The following CRELD2 variants were observed in gnomAD, a reference collection of about 807,000 sequenced individuals.
CRELD2 encodes protein disulfide isomerase CRELD2.
Under a neutral mutation model 48.1 loss-of-function variants are expected in CRELD2, and 33 were observed. That is an observed-to-expected ratio of 0.69 (90% CI 0.52 to 0.92). CRELD2 has a LOEUF of 0.92. CRELD2 is among the 40% of genes least tolerant of loss of function. CRELD2 has a pLI of 0.00. For synonymous variants in CRELD2, 220 were observed against 203.9 expected, an observed-to-expected ratio of 1.08 and a Z score of -0.67; for missense variants, 477 against 482.4, an observed-to-expected ratio of 0.99 and a Z score of 0.10.
chr22:49,923,619 T>C (rs1211487631), intron 7 of CRELD2: 5 of 507,824 alleles, frequency 9.8e-6, no homozygotes, highest in Non-Finnish European at 1.8e-5. Context: ...GCAGCGCCTG[T>C]CGGGTGTTTT....
At chr22:49,924,223 G>A (rs1449717333) in intron 7 of CRELD2, 137 bp from the exon 8 acceptor site, 19 of 610,788 alleles carry the variant, frequency 3.1e-5, no homozygotes, top group Non-Finnish European at 8.8e-6. Context: ...GACAGAGACA[G>A]ATCGTTATAA....
At chr22:49,920,915 G>A (rs1464753312) in intron 4 of CRELD2, among the ~76,000 whole-genome samples, 2 of 152,196 alleles carry the variant, frequency 1.3e-5, no homozygotes, top group African/African-American at 2.4e-5. Context: ...TGCAGTCCCC[G>A]CGCCTGACGC....
chr22:49,918,952 C>A, intron 1 of CRELD2, 54 bp downstream of exon 1: 1 of 1,323,880 alleles, frequency 7.6e-7, no homozygotes, highest in Non-Finnish European at 9.8e-7. Flanking sequence ...CCCCCTCACC[C>A]TGCATCCGGG....
rs1243732892 is a variant in CRELD2, at chr22:49,922,671, G to A, written c.652G>A (p.Glu218Lys). Residue 218 changes from glutamate (E) to lysine (K), a missense_variant, in exon 6 of 10, where the codon GAA (glutamate) becomes AAA (lysine). Coordinates refer to ENST00000328268, the MANE Select transcript of CRELD2 (RefSeq NM_024324.5). ...GACCAACAGAGACTGCGGCGAGTGTGAAGTGGGCTGGGTGCTGGACGAGGG... is the reference window on the plus strand; with the variant it reads ...GACCAACAGAGACTGCGGCGAGTGTAAAGTGGGCTGGGTGCTGGACGAGGG... ...GLTNRDCGECEVGWVLDEGAC... is the reference protein window; with the variant it reads ...GLTNRDCGECKVGWVLDEGAC... 6.4e-7 allele frequency: 1 copy of A among 1,566,226 alleles called. No homozygotes were observed. The highest frequency in any genetic ancestry group is 2.3e-5 in the East Asian group (1 of 42,640).
intron 8 of CRELD2, chr22:49,924,954 A>AC (rs1280086875): frequency 6.2e-6 from 1 of 162,120 alleles, no homozygotes; most frequent in Non-Finnish European, 1.4e-5. Flanking sequence ...ACACGGTGAA[A>AC]CCCCATCTCT....
chr22:49,918,667 G>A lies in CRELD2; in HGVS notation c.-103G>A. On this transcript the variant is annotated 5_prime_UTR_variant, in exon 1 of 10. Transcript: ENST00000328268. ...GCCGGCGCCGTCAAGTAGCCTGGGG[G>A]ACAGGCCGGCGCGGCTGGGAGCGGG... 2.5e-6 allele frequency: 1 copy of A among 393,678 alleles called. No individual in the cohort carries two copies. The highest frequency in any genetic ancestry group is 2.1e-5 in the African/African-American group (1 of 47,724). The allele number at this position is 393,678 out of a possible 1,614,324, so 24.4% of individuals were successfully genotyped here. A position where few individuals can be genotyped will look rare whatever the true frequency, so the allele number is the denominator to read the frequency against.
At chr22:49,925,388 AT>A in intron 8 of CRELD2, 28 bp from the exon 9 acceptor site, 1 of 1,426,844 alleles carries the variant, frequency 7.0e-7, no homozygotes, top group Non-Finnish European at 9.8e-7. Context: ...GAGCAAAGTA[AT>A]TATTAAAACG....
Position 49,921,069 on chromosome 22 carries a change from C to T in CRELD2, c.416-516C>T, listed in dbSNP as rs191307878. Among the ~76,000 whole-genome samples the T allele has an allele frequency of 3.9e-5, 6 of 152,142 alleles. No individual in the cohort carries two copies. In the East Asian group the frequency reaches 5.8e-4, roughly 15 times the overall value. On this transcript the variant is annotated intron_variant, in intron 4 of 9. Coordinates refer to ENST00000328268, the MANE Select transcript of CRELD2 (RefSeq NM_024324.5). ...CAAACATCACAGCGTGCACTCCACA[C>T]GCCACACGCCACACGCCTAGATGGT...
rs924735782 is a variant in CRELD2, at chr22:49,921,960, C to T, written c.592+199C>T. 1.4e-5 allele frequency: 9 copies of T among 625,158 alleles called. 1 individual carries two copies. Among genetic ancestry groups the T allele is most frequent in the Admixed American group, 3.0e-5 (1 of 33,174 alleles). The allele number at this position is 625,158 out of a possible 1,614,324, so 38.7% of individuals were successfully genotyped here. A position where few individuals can be genotyped will look rare whatever the true frequency, so the allele number is the denominator to read the frequency against. On this transcript the variant is annotated intron_variant, in intron 5 of 9. Coordinates refer to ENST00000328268, the MANE Select transcript of CRELD2 (RefSeq NM_024324.5). ...TTGTCGGGCACTTCCTGTCCCGTAA[C>T]AGCCCTCAGAAGGGAGAAGCTACTC... is the stretch of plus-strand genomic sequence containing the variant.
Position 49,922,724 on chromosome 22 carries a change from G to T in CRELD2, c.688+17G>T. ...CCTGTGTGGGTGAGGAGCGGCCCGGGGGTGGAGGAGGGCGCCTGCGTGAGG... is the reference window on the plus strand; with the variant it reads ...CCTGTGTGGGTGAGGAGCGGCCCGGTGGTGGAGGAGGGCGCCTGCGTGAGG... On this transcript the variant is annotated intron_variant, in intron 6 of 9. Coordinates refer to ENST00000328268, the MANE Select transcript of CRELD2 (RefSeq NM_024324.5). The T allele has an allele frequency of 2.6e-6, 4 of 1,510,960 alleles. No homozygotes were observed. Among genetic ancestry groups the T allele is most frequent in the Non-Finnish European group, 3.5e-6 (4 of 1,128,774 alleles). 93.6% of individuals were successfully genotyped at this position (1,510,960 alleles called of 1,614,324 possible).
rs775782693 is a variant in CRELD2, at chr22:49,918,724, G to T, written c.-46G>T. 5 of 756,586 alleles carry T rather than the reference G, an allele frequency of 6.6e-6. No homozygotes were observed. The highest frequency in any genetic ancestry group is 3.5e-5 in the East Asian group (1 of 28,218). 46.9% of individuals were successfully genotyped at this position (756,586 alleles called of 1,614,324 possible). ...GCCGGGAGGCCGGAGCAGCACGGCC[G>T]CAGGACCTGGAGCTCCGGCTGCGTC... On this transcript the variant is annotated 5_prime_UTR_variant, in exon 1 of 10. Transcript: ENST00000328268.
chr22:49,921,268 C>A, intron 4 of CRELD2: 1 of 343,114 alleles, frequency 2.9e-6, no homozygotes. Flanking sequence ...TGTCACTAGG[C>A]AATAAGAGCC....
chr22:49,923,404 C>A, intron 7 of CRELD2, 87 bp downstream of exon 7: 1 of 946,204 alleles, frequency 1.1e-6, no homozygotes, highest in South Asian at 1.4e-5. Context: ...TTCTTAGTGT[C>A]ACTTCCATAC....
chr22:49,927,530 C>G lies in CRELD2; in HGVS notation c.*223C>G, dbSNP rs2060781348. On this transcript the variant is annotated 3_prime_UTR_variant, in exon 10 of 10. Transcript: ENST00000328268. ...AATAAAATTGACCATTGTAGGTAAT[C>G]AGGAGGAGAACGGGCGTGGGTTTGT... The G allele has an allele frequency of 1.8e-6, 1 of 555,670 alleles. No homozygotes were observed. The highest frequency in any genetic ancestry group is 3.1e-5 in the Admixed American group (1 of 32,712). The allele number at this position is 555,670 out of a possible 1,614,324, so 34.4% of individuals were successfully genotyped here.
At chr22:49,921,356 C>T (rs2060684856) in intron 4 of CRELD2, 7 of 559,382 alleles carry the variant, frequency 1.3e-5, no homozygotes, top group Non-Finnish European at 2.2e-5. Context: ...TCATGCAGCA[C>T]GTGGCCATAG....
Position 49,922,604 on chromosome 22 carries a change from C to T in CRELD2, c.593-8C>T. ...GGGTTTGTACCCAGGCCCGCCTTTG[C>T]CTTCCAGCCTGTGACGAGTCCTGCA... On this transcript the variant is annotated splice_polypyrimidine_tract_variant and splice_region_variant and intron_variant, in intron 5 of 9. Transcript: ENST00000328268. 2 of 1,538,452 alleles carry T rather than the reference C, an allele frequency of 1.3e-6. No homozygotes were observed. Among genetic ancestry groups the T allele is most frequent in the Non-Finnish European group, 8.8e-7 (1 of 1,135,654 alleles).
intron 9 of CRELD2, chr22:49,925,798 A>T (rs2060756741): frequency 7.6e-7 from 1 of 1,315,558 alleles, no homozygotes; most frequent in African/African-American, 1.5e-5. Context: ...ATGAAGGGGG[A>T]AGTCTCTGAA....
At chr22:49,922,746 G>GGCGTGGGGGGTGTGAGATGGGGGCGTA in intron 6 of CRELD2, 39 bp downstream of exon 6, 1 of 1,290,440 alleles carries the variant, frequency 7.7e-7, no homozygotes, top group African/African-American at 2.1e-5. Flanking sequence ...GCGCCTGCGT[G>GGCGTGGGGGGTGTGAGATGGGGGCGTA]AGGCGTGGGG....
At chr22:49,921,360 G>C in intron 4 of CRELD2, 1 of 563,246 alleles carries the variant, frequency 1.8e-6, no homozygotes, top group Non-Finnish European at 3.1e-6. Context: ...GCAGCACGTG[G>C]CCATAGTGAA....
Sources: gnomAD v4.1 joint callset for allele counts (sites outside exome capture counted in the v4.1 genomes callset) on GRCh38, gnomAD v4.1.1 for gene constraint, MANE v1.5 for transcripts, NCBI Gene and HGNC (gene_info 2026-07-23, HGNC 2026-07-21) for gene names.